Variants in HELZ observed in about 807,000 individuals in gnomAD.
The protein encoded by HELZ is helicase with zinc finger, also known as ATP-dependent RNA helicase with zinc finger domain.
Under a neutral mutation model 218.2 loss-of-function variants are expected in HELZ, and 23 were observed. That is an observed-to-expected ratio of 0.11 (90% CI 0.08 to 0.15). HELZ has a LOEUF of 0.15. Among genes scored for constraint, HELZ ranks in the 10% least tolerant of loss-of-function variants. The probability of loss-of-function intolerance (pLI) is 1.00; values close to 1 mark genes in which losing one functional copy is unlikely to be tolerated. For missense variants in HELZ, 1,813 were observed against 2,353.7 expected, an observed-to-expected ratio of 0.77 and a Z score of 4.75; for synonymous variants, 814 against 829.4, an observed-to-expected ratio of 0.98 and a Z score of 0.32.
chr17:67,086,625 AATATAAATATATATATATATAT>A (rs1351563312), intron 32 of HELZ, among the ~76,000 whole-genome samples, 182 bp downstream of exon 32: 1,027 of 38,542 alleles, frequency 0.027, 39 homozygotes, highest in Admixed American at 0.2. Context: ...AATAAATATA[AATATAAATATATATATATATAT>A]ATATATATAT....
At chr17:67,128,527 C>T (rs754713216) in intron 24 of HELZ, 124 bp downstream of exon 24, 10 of 825,998 alleles carry the variant, frequency 1.2e-5, no homozygotes, top group Admixed American at 8.1e-5. Context: ...TTGCAGAAAC[C>T]GCTTGCCGCC....
chr17:67,114,503 C>A, intron 27 of HELZ, 100 bp from the exon 28 acceptor site: 1 of 732,560 alleles, frequency 1.4e-6, no homozygotes, highest in South Asian at 1.6e-5. Context: ...ACTTTAAACA[C>A]TTTTCACCCA....
At chr17:67,209,580 A>T (rs1490715129) in intron 5 of HELZ, among the ~76,000 whole-genome samples, 1 of 152,230 alleles carries the variant, frequency 6.6e-6, no homozygotes, top group Admixed American at 6.5e-5. Flanking sequence ...CCTAGGCAAC[A>T]GAGCGAGACT....
At chr17:67,244,820 T>G (rs1321730205) in intron 1 of HELZ, 2 of 984,738 alleles carry the variant, frequency 2.0e-6, no homozygotes, top group Non-Finnish European at 2.4e-6. Context: ...CCTCCCAGAG[T>G]GCTCTGGGCC....
rs1229103623 is a variant in HELZ at position 67,120,595 on chromosome 17, G to A, written c.3648C>T (p.Tyr1216=). The A allele has an allele frequency of 6.2e-7, 1 of 1,612,034 alleles. No individual in the cohort carries two copies. Among genetic ancestry groups the A allele is most frequent in the Non-Finnish European group, 8.5e-7 (1 of 1,179,424 alleles). Reference sequence around the variant, plus strand: ...GAGGATCAACTGCAAACCTACCCTGGTATCCTGTCCATGGTACCTAGGTTA... The same window carrying A: ...GAGGATCAACTGCAAACCTACCCTGATATCCTGTCCATGGTACCTAGGTTA... The part of the protein sequence containing the change: ...SVPLPVPWTG[Y]QGRFAVDPRI... Residue 1216 remains tyrosine, a synonymous_variant, in exon 27 of 33, where the codon TAC becomes TAT. Transcript: ENST00000358691.
intron 2 of HELZ, among the ~76,000 whole-genome samples, chr17:67,242,503 TAC>T (rs1423690344): frequency 5.8e-4 from 1 of 1,736 alleles, no homozygotes; most frequent in Non-Finnish European, 1.3e-3. Context: ...CACATATCTA[TAC>T]ACACATATAT....
chr17:67,235,574 G>C (rs1448116819), intron 3 of HELZ, among the ~76,000 whole-genome samples: 2 of 151,692 alleles, frequency 1.3e-5, no homozygotes. Flanking sequence ...GCAGTGTCCT[G>C]CTTCAACCCA....
intron 21 of HELZ, among the ~76,000 whole-genome samples, chr17:67,141,869 C>T (rs1361785809): frequency 6.6e-6 from 1 of 152,002 alleles, no homozygotes; most frequent in Non-Finnish European, 1.5e-5. Context: ...CATGGTGAAA[C>T]CCTGCCTCTA....
rs113847705 is a variant in HELZ, at chr17:67,142,841, C to T, written c.2769+2902G>A. On this transcript the variant is annotated intron_variant, in intron 21 of 32. Transcript: ENST00000358691. ...GCACAATCTCAGCTCACTGCAACCT[C>T]CCCCTCCCAGGTTCAAGCCATCCTC... Among the ~76,000 whole-genome samples the T allele has an allele frequency of 2.0e-5, 3 of 152,242 alleles. 1 individual carries two copies. The highest frequency in any genetic ancestry group is 7.2e-5 in the African/African-American group (3 of 41,538).
intron 8 of HELZ, 72 bp from the exon 9 acceptor site, chr17:67,194,114 G>T: frequency 9.6e-7 from 1 of 1,036,916 alleles, no homozygotes; most frequent in Non-Finnish European, 1.5e-6. Context: ...ATGTGTAAGA[G>T]ATACTACAAT....
At chr17:67,081,891 C>G (rs1046666484) in intron 32 of HELZ, among the ~76,000 whole-genome samples, 1 of 151,014 alleles carries the variant, frequency 6.6e-6, no homozygotes. Context: ...CTTAAAAATA[C>G]ATAGAAGAGC....
At chr17:67,227,218 A>C (rs1410977730) in intron 3 of HELZ, among the ~76,000 whole-genome samples, 1 of 149,120 alleles carries the variant, frequency 6.7e-6, no homozygotes, top group Non-Finnish European at 1.5e-5. Flanking sequence ...TTTAAGATGG[A>C]GTCTCACTCT....
At chr17:67,107,089 G>A in intron 31 of HELZ, 80 bp downstream of exon 31, 1 of 1,263,816 alleles carries the variant, frequency 7.9e-7, no homozygotes, top group African/African-American at 1.5e-5. Flanking sequence ...TAAGATCTGT[G>A]CCTTCCTATT....
chr17:67,093,909 T>C (rs73340985), intron 31 of HELZ, among the ~76,000 whole-genome samples: 12,981 of 152,168 alleles, frequency 0.085, 1,804 homozygotes, highest in African/African-American at 0.29. Flanking sequence ...GAAGCAAAAA[T>C]TTATCTTAGT....
intron 3 of HELZ, among the ~76,000 whole-genome samples, chr17:67,225,979 C>T (rs1437133310): frequency 6.6e-6 from 1 of 152,080 alleles, no homozygotes; most frequent in Admixed American, 6.6e-5. Context: ...AAAGAACTCC[C>T]TGACGGGCGT....
intron 3 of HELZ, among the ~76,000 whole-genome samples, chr17:67,227,487 G>A (rs992859653): frequency 1.3e-5 from 2 of 152,044 alleles, no homozygotes; most frequent in Non-Finnish European, 2.9e-5. Context: ...ACACCCAACC[G>A]ACATGATTTT....
rs966640609 is a variant in HELZ at position 67,206,934 on chromosome 17, C to T, written c.248-3491G>A. Among the ~76,000 whole-genome samples, 6 of 149,254 alleles carry T rather than the reference C, an allele frequency of 4.0e-5. No individual in the cohort carries two copies. In the South Asian group the frequency reaches 6.3e-4, roughly 16 times the overall value. Reference sequence around the variant, plus strand: ...TTGTTTTTTTGGGTTTTTTTTGAGACAGAGTTTCGCTCTTGTTGCCCAGGC... The same window carrying T: ...TTGTTTTTTTGGGTTTTTTTTGAGATAGAGTTTCGCTCTTGTTGCCCAGGC... On this transcript the variant is annotated intron_variant, in intron 5 of 32. Transcript: ENST00000358691.
intron 6 of HELZ, among the ~76,000 whole-genome samples, chr17:67,202,220 C>T (rs925606974): frequency 9.3e-5 from 14 of 151,274 alleles, no homozygotes; most frequent in Non-Finnish European, 1.9e-4. Flanking sequence ...TCTTAAGTTA[C>T]GAACTGGTTT....
chr17:67,240,397 C>CT (rs1224610007), intron 2 of HELZ, among the ~76,000 whole-genome samples: 4 of 152,118 alleles, frequency 2.6e-5, no homozygotes, highest in East Asian at 3.9e-4. Flanking sequence ...AGAGGCTTTT[C>CT]TTTTTTTTAA....
Sources: gnomAD v4.1 joint callset for allele counts (sites outside exome capture counted in the v4.1 genomes callset) on GRCh38, gnomAD v4.1.1 for gene constraint, MANE v1.5 for transcripts, NCBI Gene and HGNC (gene_info 2026-07-23, HGNC 2026-07-21) for gene names.